Variants in DHCR24 observed in about 807,000 individuals in gnomAD.
The protein encoded by DHCR24 is delta(24)-sterol reductase.
A neutral mutation model predicts 61.2 loss-of-function variants in DHCR24; 28 were observed. The observed-to-expected ratio is 0.46, with a 90% confidence interval of 0.34 to 0.63. The LOEUF (loss-of-function observed/expected upper bound fraction) is 0.63, where lower values mean the gene tolerates loss of function less well. Ranked by LOEUF, DHCR24 falls within the 20% of genes least tolerant of loss-of-function variation. The pLI is 0.01. For synonymous variants in DHCR24, 261 were observed against 275.9 expected, an observed-to-expected ratio of 0.95 and a Z score of 0.54; for missense variants, 538 against 679.1, an observed-to-expected ratio of 0.79 and a Z score of 2.31.
intron 6 of DHCR24, among the ~76,000 whole-genome samples, chr1:54,864,747 CCA>C (rs1325709274): frequency 6.6e-6 from 1 of 152,140 alleles, no homozygotes; most frequent in Non-Finnish European, 1.5e-5. Flanking sequence ...AGAGTCCTCC[CCA>C]GAGTTGTTCC....
intron 7 of DHCR24, 49 bp downstream of exon 7, chr1:54,853,988 A>G: frequency 6.4e-7 from 1 of 1,553,030 alleles, no homozygotes; most frequent in Non-Finnish European, 8.8e-7. Context: ...GAGACCATGG[A>G]TTCCAAGGGA....
rs718265 is a variant in DHCR24 at position 54,854,229 on chromosome 1, A to G, written c.1026T>C (p.Ile342=). The change falls in exon 7 of 9, where the codon ATT becomes ATC. Residue 342 remains isoleucine (I), a synonymous_variant. Coordinates refer to ENST00000371269, the MANE Select transcript of DHCR24 (RefSeq NM_014762.4). ...TRSIFWELQD[I]IPFGNNPIFR... ...AGATGGGGTTGTTGCCAAAGGGGAT[A>G]ATGTCCTGGAAAACAAAGATTAGGG... The G allele has an allele frequency of 0.69, 1,109,506 of 1,612,104 alleles. 385,062 individuals are homozygous for G. The highest frequency in any genetic ancestry group is 0.8 in the South Asian group (72,781 of 90,930).
At chr1:54,869,216 A>T (rs534425145) in intron 5 of DHCR24, among the ~76,000 whole-genome samples, 1 of 152,376 alleles carries the variant, frequency 6.6e-6, no homozygotes, top group South Asian at 2.1e-4. Context: ...TTTTAACGCT[A>T]TCAGATTGGC....
At chr1:54,852,990 A>G (rs1380738703) in intron 8 of DHCR24, among the ~76,000 whole-genome samples, 1 of 152,114 alleles carries the variant, frequency 6.6e-6, no homozygotes, top group Non-Finnish European at 1.5e-5. Context: ...TCCACTCAAT[A>G]GTTTATCCAG....
rs375934272 is a variant in DHCR24 at position 54,871,377 on chromosome 1, G to A, written c.849C>T (p.Val283=). Residue 283 remains valine, a synonymous_variant, in exon 5 of 9, where the codon GTC becomes GTT. Transcript: ENST00000371269. ...TGCTGGGCTCTGCCTCATCTGTCAT[G>A]ACCCCTGTCATAATGACAGCCTCAT... ...SLDEAVIMTG[V]MTDEAEPSKL... The A allele has an allele frequency of 6.2e-7, 1 of 1,614,088 alleles. No individual in the cohort carries two copies. The highest frequency in any genetic ancestry group is 1.3e-5 in the African/African-American group (1 of 75,024).
intron 6 of DHCR24, among the ~76,000 whole-genome samples, chr1:54,854,440 G>A (rs960194322): frequency 6.6e-6 from 1 of 152,220 alleles, no homozygotes; most frequent in East Asian, 1.9e-4. Flanking sequence ...TTCGCCAGTA[G>A]TGATGACCCC....
At chr1:54,860,756 C>T (rs985669507) in intron 6 of DHCR24, among the ~76,000 whole-genome samples, 6 of 152,056 alleles carry the variant, frequency 3.9e-5, no homozygotes, top group Admixed American at 6.5e-5. Context: ...GAGGCCGGGG[C>T]GGGCGGATCA....
chr1:54,864,858 C>T (rs1646959354), intron 6 of DHCR24, among the ~76,000 whole-genome samples: 1 of 150,112 alleles, frequency 6.7e-6, no homozygotes, highest in Admixed American at 6.6e-5. Context: ...GCTCCTCATC[C>T]ACCCACCCAT....
chr1:54,883,843 C>A lies in DHCR24; in HGVS notation c.232-70G>T. ...CCAGAGCAGCCTGCAGCCCTGCTTTCTTCAAGGGCGAGCTGGGAATGATGC... is the reference window on the plus strand; with the variant it reads ...CCAGAGCAGCCTGCAGCCCTGCTTTATTCAAGGGCGAGCTGGGAATGATGC... On this transcript the variant is annotated intron_variant, in intron 1 of 8. Transcript: ENST00000371269. The surrounding 1 kb of genome is among the most constrained non-coding windows in gnomAD (Gnocchi z 4.3). The A allele has an allele frequency of 6.2e-7, 1 of 1,601,110 alleles. No individual in the cohort carries two copies.
At chr1:54,856,626 C>T (rs1646909028) in intron 6 of DHCR24, among the ~76,000 whole-genome samples, 1 of 152,036 alleles carries the variant, frequency 6.6e-6, no homozygotes, top group South Asian at 2.1e-4. Flanking sequence ...AGGTTATTGA[C>T]CCCTGCTCGA....
chr1:54,874,247 C>G (rs185068884), intron 4 of DHCR24, among the ~76,000 whole-genome samples: 11 of 152,286 alleles, frequency 7.2e-5, no homozygotes, highest in Non-Finnish European at 1.5e-4. Context: ...ACAGTAATGT[C>G]CCAGGACTTC....
At chr1:54,882,419 GA>G (rs1178083388) in intron 2 of DHCR24, among the ~76,000 whole-genome samples, 3 of 152,060 alleles carry the variant, frequency 2.0e-5, no homozygotes, top group East Asian at 1.9e-4. Context: ...CAATCACTTG[GA>G]AAAAAAATTT....
In DHCR24 at chr1:54,853,419, C is replaced by T. The variant is rs757324766; in HGVS notation, c.1397+15G>A. The T allele has an allele frequency of 8.1e-6, 13 of 1,613,992 alleles. No individual in the cohort carries two copies. Among genetic ancestry groups the T allele is most frequent in the African/African-American group, 1.3e-5 (1 of 74,934 alleles). Reference sequence around the variant, plus strand: ...TGTCAGCTAGAGGCAACATACTATACTCTGGGCCACTCACCCATGCACGCT... The same window carrying T: ...TGTCAGCTAGAGGCAACATACTATATTCTGGGCCACTCACCCATGCACGCT... On this transcript the variant is annotated intron_variant, in intron 8 of 8. Transcript: ENST00000371269.
chr1:54,882,367 C>A (rs369361803), intron 2 of DHCR24, among the ~76,000 whole-genome samples: 223 of 152,268 alleles, frequency 1.5e-3, no homozygotes, highest in African/African-American at 5.1e-3. Flanking sequence ...CAATGTGGAA[C>A]AAGAACAACA....
chr1:54,884,760 T>C (rs1487043060), intron 1 of DHCR24, among the ~76,000 whole-genome samples: 1 of 152,198 alleles, frequency 6.6e-6, no homozygotes, highest in Admixed American at 6.5e-5. Context: ...GACAGATTAA[T>C]GACATCTCAT....
At chr1:54,865,033 C>T (rs74774143) in intron 6 of DHCR24, among the ~76,000 whole-genome samples, 16 of 152,242 alleles carry the variant, frequency 1.1e-4, no homozygotes, top group East Asian at 1.9e-4. Flanking sequence ...TCCTCAAGGG[C>T]GGAACAGGTC....
chr1:54,869,916 A>G (rs1646988603), intron 5 of DHCR24, among the ~76,000 whole-genome samples: 1 of 152,040 alleles, frequency 6.6e-6, no homozygotes, highest in East Asian at 1.9e-4. Context: ...TTAGGCAGGC[A>G]TGGTGGTGCA....
chr1:54,874,031 T>C (rs894390683), intron 4 of DHCR24, among the ~76,000 whole-genome samples: 9 of 152,198 alleles, frequency 5.9e-5, no homozygotes, highest in Non-Finnish European at 1.2e-4. Context: ...AATAAGGATA[T>C]AAAGAAGGAA....
chr1:54,886,777 C>CA (rs1647099891), intron 1 of DHCR24, 112 bp downstream of exon 1: 8 of 1,523,940 alleles, frequency 5.2e-6, no homozygotes, highest in South Asian at 2.4e-5. Context: ...CCCACCCCCC[C>CA]AGGAAGTCCT....
Sources: allele counts gnomAD v4.1 joint callset (sites outside exome capture counted in the v4.1 genomes callset), GRCh38; gene constraint gnomAD v4.1.1; non-coding constraint Gnocchi (gnomAD v3.1); transcripts MANE v1.5; gene names NCBI Gene and HGNC (gene_info 2026-07-23, HGNC 2026-07-21).